The following ST8SIA4 variants were observed in gnomAD, a reference collection of about 807,000 sequenced individuals.
ST8SIA4 encodes ST8 alpha-N-acetyl-neuraminide alpha-2,8-sialyltransferase 4.
In ST8SIA4, 15 loss-of-function variants were observed where a neutral mutation model predicts 33.9. The ratio of observed to expected loss-of-function variants is 0.44; its 90% CI spans 0.30 to 0.68. The LOEUF is 0.68. ST8SIA4 is among the 30% of genes least tolerant of loss of function. The pLI is 0.10. For missense variants in ST8SIA4, 321 were observed against 428.0 expected, an observed-to-expected ratio of 0.75 and a Z score of 2.21; for synonymous variants, 171 against 151.2, an observed-to-expected ratio of 1.13 and a Z score of -0.96.
chr5:100,855,674 T>C (rs112702288), intron 4 of ST8SIA4, among the ~76,000 whole-genome samples: 7 of 152,322 alleles, frequency 4.6e-5, no homozygotes, highest in African/African-American at 1.7e-4. Context: ...GCCTCCTTTC[T>C]CACTACTAGG....
At position 100,864,447 on chromosome 5, in the gene ST8SIA4, C is replaced by T. The variant is rs1385915580; in HGVS notation, c.504-8051G>A. ...AAAATTAGCTGGGCATGGTGGCGGG[C>T]GCCTGCAGTCCCAGCCACTTGGGAG... On this transcript the variant is annotated intron_variant, in intron 3 of 4. Coordinates refer to ENST00000231461, the MANE Select transcript of ST8SIA4 (RefSeq NM_005668.6). Among the ~76,000 whole-genome samples, 9 of 151,754 alleles carry T rather than the reference C, an allele frequency of 5.9e-5. No individual in the cohort carries two copies. In the South Asian group the frequency reaches 6.2e-4, roughly 11 times the overall value.
chr5:100,846,044 C>T (rs1446240872), intron 4 of ST8SIA4, among the ~76,000 whole-genome samples: 1 of 151,918 alleles, frequency 6.6e-6, no homozygotes, highest in Non-Finnish European at 1.5e-5. Context: ...GCATTAATTT[C>T]ATAATTTAGT....
At chr5:100,885,399 A>T (rs1024619675) in intron 3 of ST8SIA4, 56 of 955,110 alleles carry the variant, frequency 5.9e-5, no homozygotes, top group Admixed American at 3.1e-4. Flanking sequence ...CTTTTTTTTT[A>T]AAAGTAGTTA....
Position 100,843,909 on chromosome 5 carries a change from C to T in ST8SIA4, c.797+12194G>A, listed in dbSNP as rs186985366. Among the ~76,000 whole-genome samples, 402 of 152,018 alleles carry T rather than the reference C, an allele frequency of 2.6e-3. 2 individuals are homozygous for T. The highest frequency in any genetic ancestry group is 9.0e-3 in the African/African-American group (374 of 41,526). ...TTATTTACACCTTACTTGGTATTTACGCATTTTATTATCTCTCTCCAATAT... is the reference window on the plus strand; with the variant it reads ...TTATTTACACCTTACTTGGTATTTATGCATTTTATTATCTCTCTCCAATAT... On this transcript the variant is annotated intron_variant, in intron 4 of 4. Transcript: ENST00000231461.
intron 4 of ST8SIA4, among the ~76,000 whole-genome samples, chr5:100,820,782 T>C (rs998161623): frequency 6.6e-6 from 1 of 152,096 alleles, no homozygotes; most frequent in Admixed American, 6.5e-5. Flanking sequence ...GAAGAAGAAT[T>C]TTAAAAATAA....
intron 3 of ST8SIA4, among the ~76,000 whole-genome samples, chr5:100,865,090 C>T (rs573799515): frequency 1.3e-5 from 2 of 152,322 alleles, no homozygotes; most frequent in Non-Finnish European, 2.9e-5. Flanking sequence ...CAGCATTTCT[C>T]ACTATCAGGG....
intron 3 of ST8SIA4, among the ~76,000 whole-genome samples, chr5:100,870,483 A>G (rs1244891912): frequency 2.0e-5 from 3 of 152,214 alleles, no homozygotes; most frequent in Non-Finnish European, 4.4e-5. Flanking sequence ...AATGCATTTT[A>G]CGAGAGTGCC....
rs1752952838 is a variant in ST8SIA4, at chr5:100,902,898, A to G, written c.58T>C (p.Tyr20His). The G allele has an allele frequency of 6.2e-7, 1 of 1,614,084 alleles. No homozygotes were observed. The highest frequency in any genetic ancestry group is 8.5e-7 in the Non-Finnish European group (1 of 1,180,036). Residue 20 changes from tyrosine (Y) to histidine (H), a missense_variant, in exon 1 of 5, where the codon TAT becomes CAT. Physicochemically the swap from Tyr to His is moderately conservative, Grantham distance 83. Coordinates refer to ENST00000231461, the MANE Select transcript of ST8SIA4 (RefSeq NM_005668.6). ...ICTISLLLIF[Y>H]KTKEIARTEE... The stretch of plus-strand genomic sequence containing the variant: ...GTTCTTGCTATTTCTTTTGTCTTAT[A>G]AAAGATCAGGAGCAGACTTATTGTG...
At chr5:100,856,070 C>T in intron 4 of ST8SIA4, 33 bp downstream of exon 4, 2 of 1,600,454 alleles carry the variant, frequency 1.2e-6, no homozygotes, top group South Asian at 1.1e-5. Context: ...TTCCACTGTG[C>T]CAAGGACAAA....
intron 1 of ST8SIA4, among the ~76,000 whole-genome samples, chr5:100,899,592 T>C (rs1050286580): frequency 2.6e-5 from 4 of 152,230 alleles, no homozygotes; most frequent in Admixed American, 1.3e-4. Context: ...AAAAGTAAGT[T>C]AGTCTCATTT....
At chr5:100,877,553 A>G (rs73162263) in intron 3 of ST8SIA4, among the ~76,000 whole-genome samples, 1,860 of 152,264 alleles carry the variant, frequency 0.012, 34 homozygotes, top group African/African-American at 0.041. Context: ...CGTGTCCACA[A>G]TGAAGTGACT....
intron 1 of ST8SIA4, among the ~76,000 whole-genome samples, chr5:100,900,895 C>A (rs1054378982): frequency 3.9e-5 from 6 of 152,220 alleles, no homozygotes; most frequent in African/African-American, 9.6e-5. Flanking sequence ...AGGGGATAAC[C>A]CCGGTGCGCG....
intron 3 of ST8SIA4, among the ~76,000 whole-genome samples, chr5:100,866,179 T>G (rs1207458390): frequency 6.6e-6 from 1 of 152,160 alleles, no homozygotes; most frequent in Non-Finnish European, 1.5e-5. Context: ...TGTCTCTCAA[T>G]GAATTTATCA....
rs1750828179 is a variant in ST8SIA4 at position 100,812,070 on chromosome 5, G to A, written c.857C>T (p.Thr286Ile). ...TTCATCACAGAATCTTGTGGCAAGT[G>A]TATACATGAGAAGACCTGTGCTGGG... is the stretch of plus-strand genomic sequence containing the variant. ...KRPSTGLLMY[T>I]LATRFCDEIH... The change falls in exon 5 of 5, where the codon ACA becomes ATA. Residue 286 changes from threonine (T) to isoleucine (I), a missense_variant. By Grantham distance (89) the Thr-to-Ile change is moderately conservative (BLOSUM62 -1). Transcript: ENST00000231461. 1.2e-6 allele frequency: 2 copies of A among 1,614,004 alleles called. No homozygotes were observed. Among genetic ancestry groups the A allele is most frequent in the Non-Finnish European group, 8.5e-7 (1 of 1,180,006 alleles).
Position 100,814,128 on chromosome 5 carries a change from A to G in ST8SIA4, c.798-1999T>C, listed in dbSNP as rs141549915. ...CTACATGCAATACAAATAAGTAACT[A>G]CAACGTTAGAAATGCTGAAAGCAAA... On this transcript the variant is annotated intron_variant, in intron 4 of 4. Coordinates refer to ENST00000231461, the MANE Select transcript of ST8SIA4 (RefSeq NM_005668.6). Among the ~76,000 whole-genome samples the G allele has an allele frequency of 6.6e-5, 10 of 152,186 alleles. No homozygotes were observed. In the East Asian group the frequency reaches 1.9e-3, roughly 29 times the overall value.
At chr5:100,820,278 A>G (rs1237253212) in intron 4 of ST8SIA4, among the ~76,000 whole-genome samples, 1 of 152,146 alleles carries the variant, frequency 6.6e-6, no homozygotes, top group Non-Finnish European at 1.5e-5. Flanking sequence ...GGCAGATACT[A>G]ACTACCCCTA....
chr5:100,882,418 C>T (rs147110354), intron 3 of ST8SIA4, among the ~76,000 whole-genome samples: 209 of 152,244 alleles, frequency 1.4e-3, no homozygotes, highest in African/African-American at 4.8e-3. Context: ...GTTAAAGGCA[C>T]TCAGTTTTAG....
At chr5:100,863,471 A>T (rs2112448171) in intron 3 of ST8SIA4, among the ~76,000 whole-genome samples, 1 of 152,312 alleles carries the variant, frequency 6.6e-6, no homozygotes, top group African/African-American at 2.4e-5. Context: ...TAAAATAAAA[A>T]GTTGTTCTAG....
intron 3 of ST8SIA4, chr5:100,885,707 T>G (rs1752522195): frequency 1.1e-6 from 1 of 946,736 alleles, no homozygotes; most frequent in African/African-American, 1.8e-5. Flanking sequence ...ACTGTTGAGT[T>G]TTTTTCAGTT....
Sources: allele counts gnomAD v4.1 joint callset (sites outside exome capture counted in the v4.1 genomes callset), GRCh38; gene constraint gnomAD v4.1.1; transcripts MANE v1.5; gene names NCBI Gene and HGNC (gene_info 2026-07-23, HGNC 2026-07-21).